Variants in ADGB observed in about 807,000 individuals in gnomAD.
The protein encoded by ADGB is androglobin.
Under a neutral mutation model 210.5 loss-of-function variants are expected in ADGB, and 172 were observed. That is an observed-to-expected ratio of 0.82 (90% CI 0.72 to 0.93). The LOEUF is 0.93. Among genes scored for constraint, ADGB ranks in the 40% least tolerant of loss-of-function variants. The pLI, the probability that ADGB is intolerant of heterozygous loss-of-function variation, is 0.00. For missense variants in ADGB, 2,025 were observed against 1,964.8 expected (o/e 1.03, Z -0.58); for synonymous variants, 658 against 662.7 (o/e 0.99, Z 0.11).
Position 146,721,452 on chromosome 6 carries a change from C to T in ADGB, c.2042C>T (p.Pro681Leu). The T allele has an allele frequency of 6.4e-7, 1 of 1,551,258 alleles. No homozygotes were observed. Residue 681 changes from proline to leucine, a missense_variant, in exon 17 of 36, where the codon CCT (proline) becomes CTT (leucine). Transcript: ENST00000397944. Reference sequence around the variant, plus strand: ...TATCTATTTGTAGATAGTCTAAAACCTATTGAACTACTGGTTTGCTTTTCT... The same window carrying T: ...TATCTATTTGTAGATAGTCTAAAACTTATTGAACTACTGGTTTGCTTTTCT... ...SYYLFVDSLK[P>L]IELLVCFSAL...
At position 146,733,198 on chromosome 6, in the gene ADGB, C is replaced by T. The variant is rs561235719; in HGVS notation, c.2599C>T (p.Arg867Trp). 1.7e-5 allele frequency: 26 copies of T among 1,541,996 alleles called. No individual in the cohort carries two copies. The highest frequency in any genetic ancestry group is 1.4e-5 in the Non-Finnish European group (16 of 1,141,404). Reference sequence around the variant, plus strand: ...TCCTCCAAACTTCAAATTTGCATTCCGGGCTATGGTTTTGGACTTGGAGTT... The same window carrying T: ...TCCTCCAAACTTCAAATTTGCATTCTGGGCTATGGTTTTGGACTTGGAGTT... ...KPPPNFKFAF[R>W]AMVLDLELLN... Residue 867 changes from arginine (R) to tryptophan (W), a missense_variant, in exon 21 of 36, where the codon CGG (arginine) becomes TGG (tryptophan). Physicochemically the swap from Arg to Trp is moderately radical, Grantham distance 101. Transcript: ENST00000397944.
At chr6:146,627,731 CAGG>C (rs1273515055) in intron 1 of ADGB, among the ~76,000 whole-genome samples, 1 of 152,092 alleles carries the variant, frequency 6.6e-6, no homozygotes, top group African/African-American at 2.4e-5. Context: ...ATTAAGATCT[CAGG>C]AGTTTTATCT....
At chr6:146,763,828 T>G in intron 27 of ADGB, 73 bp from the exon 28 acceptor site, 1 of 1,282,750 alleles carries the variant, frequency 7.8e-7, no homozygotes, top group Non-Finnish European at 1.1e-6. Context: ...TATAAAGGAA[T>G]GTAACTGATT....
Position 146,815,025 on chromosome 6 carries a change from G to A in ADGB, c.4819-7G>A. On this transcript the variant is annotated splice_region_variant and splice_polypyrimidine_tract_variant and intron_variant, in intron 35 of 35. Transcript: ENST00000397944. ...ACTTATTTGTTTGGGGTTTTGCTTT[G>A]GAACAGGACTCCTTAGATGAAGCCC... 1 of 1,524,702 alleles carries A rather than the reference G, an allele frequency of 6.6e-7. No individual in the cohort carries two copies. The highest frequency in any genetic ancestry group is 8.8e-7 in the Non-Finnish European group (1 of 1,140,092). The allele number at this position is 1,524,702 out of a possible 1,614,324, so 94.4% of individuals were successfully genotyped here. A position where few individuals can be genotyped will look rare whatever the true frequency, so the allele number is the denominator to read the frequency against.
At chr6:146,604,002 G>C (rs1417659238) in intron 1 of ADGB, among the ~76,000 whole-genome samples, 1 of 152,184 alleles carries the variant, frequency 6.6e-6, no homozygotes, top group Non-Finnish European at 1.5e-5. Flanking sequence ...GTAACCCCAG[G>C]TCCAGTTCAC....
intron 1 of ADGB, among the ~76,000 whole-genome samples, chr6:146,633,966 G>A (rs1030573209): frequency 6.6e-6 from 1 of 152,086 alleles, no homozygotes; most frequent in Non-Finnish European, 1.5e-5. Context: ...GGCCTTCACA[G>A]TCACTCTCAA....
At chr6:146,719,325 G>A (rs116685264) in intron 16 of ADGB, among the ~76,000 whole-genome samples, 2,019 of 152,236 alleles carry the variant, frequency 0.013, 40 homozygotes, top group African/African-American at 0.046. Flanking sequence ...CTGGTCAACT[G>A]TTCTTTATTC....
intron 23 of ADGB, among the ~76,000 whole-genome samples, chr6:146,740,193 C>T (rs199716873): frequency 6.6e-6 from 1 of 152,208 alleles, no homozygotes; most frequent in Non-Finnish European, 1.5e-5. Flanking sequence ...ACTTTACTCC[C>T]TCAATCATGA....
chr6:146,810,883 AT>A (rs1778293446), intron 35 of ADGB, among the ~76,000 whole-genome samples: 2 of 152,176 alleles, frequency 1.3e-5, no homozygotes, highest in South Asian at 4.1e-4. Flanking sequence ...TACAGAATGG[AT>A]GGTGCCATCA....
At chr6:146,777,961 CTG>C (rs746273284) in intron 29 of ADGB, among the ~76,000 whole-genome samples, 2 of 152,196 alleles carry the variant, frequency 1.3e-5, no homozygotes, top group Non-Finnish European at 2.9e-5. Context: ...CTCACCAAAA[CTG>C]TGAGTTGTTG....
In ADGB at chr6:146,728,721, C is replaced by G. The variant is rs1214993111; in HGVS notation, c.2500C>G (p.Leu834Val). The G allele has an allele frequency of 6.5e-7, 1 of 1,550,120 alleles. No homozygotes were observed. The highest frequency in any genetic ancestry group is 1.4e-5 in the African/African-American group (1 of 73,022). Residue 834 changes from leucine (L) to valine (V), a missense_variant, in exon 20 of 36, where the codon CTA becomes GTA. Physicochemically the swap from Leu to Val is conservative, Grantham distance 32 (BLOSUM62 1). Transcript: ENST00000397944. Reference protein sequence around the residue: ...HYPVPFHDKELTAQHFRVFHL... With the variant: ...HYPVPFHDKEVTAQHFRVFHL... ...CCCTGTCCCCTTCCATGATAAAGAA[C>G]TAACTGCACAGCACTTCAGGGTAAG...
At chr6:146,630,236 A>AAAAAAT (rs954159896) in intron 1 of ADGB, among the ~76,000 whole-genome samples, 38 of 152,166 alleles carry the variant, frequency 2.5e-4, no homozygotes, top group East Asian at 9.7e-4. Flanking sequence ...AAACTCCGTC[A>AAAAAAT]AAAAATAAAA....
At chr6:146,615,260 C>T (rs901370932) in intron 1 of ADGB, among the ~76,000 whole-genome samples, 2 of 149,040 alleles carry the variant, frequency 1.3e-5, no homozygotes, top group African/African-American at 5.2e-5. Flanking sequence ...AGAATTCACT[C>T]ATCACCAAGA....
Position 146,701,001 on chromosome 6 carries a change from CAGTGAAACTGA to C in ADGB, c.1639_1649del (p.Ser547Ter). ...CTCCAGGATCTGATTTACCTTCCGT[CAGTGAAACTGA>C]TGAAACTGCAACACATAGCCAGACA... is the stretch of plus-strand genomic sequence containing the variant. On this transcript the variant is annotated frameshift_variant, in exon 13 of 36. Transcript: ENST00000397944. LOFTEE classifies it high-confidence loss of function. The C allele has an allele frequency of 1.3e-6, 2 of 1,551,130 alleles. No individual in the cohort carries two copies. The highest frequency in any genetic ancestry group is 1.7e-6 in the Non-Finnish European group (2 of 1,146,522).
intron 35 of ADGB, among the ~76,000 whole-genome samples, chr6:146,814,154 C>T (rs1321193280): frequency 1.3e-5 from 2 of 152,184 alleles, no homozygotes; most frequent in East Asian, 1.9e-4. Context: ...CCGATTCTGA[C>T]ATCCAGCTTT....
At chr6:146,715,717 A>G (rs761756097) in intron 14 of ADGB, among the ~76,000 whole-genome samples, 5 of 152,148 alleles carry the variant, frequency 3.3e-5, no homozygotes, top group Non-Finnish European at 7.3e-5. Flanking sequence ...TAAATAAAAG[A>G]CTTGGCCAAG....
intron 29 of ADGB, 22 bp from the exon 30 acceptor site, chr6:146,781,998 T>G (rs1337256487): frequency 1.4e-6 from 2 of 1,428,752 alleles, no homozygotes; most frequent in Admixed American, 6.6e-5. Flanking sequence ...ACTCACCATT[T>G]TTTATTTTTA....
intron 25 of ADGB, among the ~76,000 whole-genome samples, chr6:146,741,739 C>T (rs1185410118): frequency 1.3e-5 from 2 of 152,156 alleles, no homozygotes; most frequent in Non-Finnish European, 2.9e-5. Context: ...CTTTACCAGC[C>T]AGAGGTACTT....
rs147694849 is a variant in ADGB, at chr6:146,628,025, C to T, written c.75-7350C>T. Among the ~76,000 whole-genome samples the T allele has an allele frequency of 5.9e-5, 9 of 152,174 alleles. No homozygotes were observed. The East Asian group carries it at 1.7e-3, about 30-fold the overall frequency. On this transcript the variant is annotated intron_variant, in intron 1 of 35. Transcript: ENST00000397944. ...TTGTGTTGTCTTAGGTGACAAAAAT[C>T]CAGTCCTTGTGACTCTAAGATGGAA...
Sources: gnomAD v4.1 joint callset for allele counts (sites outside exome capture counted in the v4.1 genomes callset) on GRCh38, gnomAD v4.1.1 for gene constraint, MANE v1.5 for transcripts, NCBI Gene and HGNC (gene_info 2026-07-23, HGNC 2026-07-21) for gene names.